Variants in CLNK observed in about 807,000 individuals in gnomAD.
The protein encoded by CLNK is cytokine dependent hematopoietic cell linker, also known as cytokine-dependent hematopoietic cell linker.
In CLNK, 74 loss-of-function variants were observed where a neutral mutation model predicts 68.6. The observed-to-expected ratio is 1.08, with a 90% CI of 0.89 to 1.31. CLNK has a LOEUF of 1.31. Among genes scored for constraint, CLNK ranks in the 50% most tolerant of loss-of-function variants. The pLI is 0.00. For synonymous variants in CLNK, 198 were observed against 172.2 expected (o/e 1.15, Z -1.17); for missense variants, 553 against 515.3 (o/e 1.07, Z -0.71).
chr4:10,598,145 C>A, intron 2 of CLNK, 96 bp from the exon 3 acceptor site: 1 of 777,660 alleles, frequency 1.3e-6, no homozygotes, highest in South Asian at 1.7e-5. Flanking sequence ...GCCACCCAGT[C>A]AGATTTAAGT....
intron 4 of CLNK, among the ~76,000 whole-genome samples, chr4:10,579,843 AGGCT>A: frequency 6.6e-6 from 1 of 152,198 alleles, no homozygotes; most frequent in African/African-American, 2.4e-5. Flanking sequence ...GCATATTAAA[AGGCT>A]AGGGTAGGAG....
chr4:10,663,349 C>T (rs1724267287), intron 2 of CLNK, among the ~76,000 whole-genome samples: 1 of 152,180 alleles, frequency 6.6e-6, no homozygotes, highest in African/African-American at 2.4e-5. Flanking sequence ...ACATCCGGAT[C>T]CCTTCTTAGT....
Position 10,486,534 on chromosome 4 carries a change from A to G in CLNK, c.*3933T>C, listed in dbSNP as rs1213809501. On this transcript the variant is annotated 3_prime_UTR_variant, in exon 19 of 19. Coordinates refer to ENST00000226951, the MANE Select transcript of CLNK (RefSeq NM_052964.4). ...ATGCTAATATACAATATAGGCTATCATAAAAATTTGTATTTGTGTACACAC... is the reference window on the plus strand; with the variant it reads ...ATGCTAATATACAATATAGGCTATCGTAAAAATTTGTATTTGTGTACACAC... 4 of 148,404 alleles carry G rather than the reference A, an allele frequency of 2.7e-5. No homozygotes were observed. The highest frequency in any genetic ancestry group is 2.9e-5 in the Non-Finnish European group (2 of 67,950). The allele number at this position is 148,404 out of a possible 1,614,324, so 9.2% of individuals were successfully genotyped here. A position where few individuals can be genotyped will look rare whatever the true frequency, so the allele number is the denominator to read the frequency against.
chr4:10,715,970 A>T, the CLNK span, among the ~76,000 whole-genome samples: 4,074 of 152,304 alleles, frequency 0.027, 63 homozygotes, highest in Non-Finnish European at 0.041. Flanking sequence ...CATCAAGAAG[A>T]GGTGAATTCT....
At chr4:10,551,835 T>C (rs1719472884) in intron 8 of CLNK, among the ~76,000 whole-genome samples, 1 of 150,460 alleles carries the variant, frequency 6.6e-6, no homozygotes, top group Non-Finnish European at 1.5e-5. Context: ...ATTATATCAG[T>C]GAGAGAATTG....
the CLNK span, among the ~76,000 whole-genome samples, chr4:10,693,546 G>T: frequency 6.6e-6 from 1 of 152,208 alleles, no homozygotes; most frequent in South Asian, 2.1e-4. Flanking sequence ...TCCTCCCCTA[G>T]ATGCTTGGGA....
chr4:10,579,317 G>C (rs1305758483), intron 4 of CLNK, among the ~76,000 whole-genome samples: 1 of 152,120 alleles, frequency 6.6e-6, no homozygotes, highest in African/African-American at 2.4e-5. Context: ...TCTGAGTAAA[G>C]TATTATGAGA....
chr4:10,700,635 C>A, the CLNK span, among the ~76,000 whole-genome samples: 2 of 152,150 alleles, frequency 1.3e-5, no homozygotes, highest in African/African-American at 4.8e-5. Context: ...AGTGGTCGTG[C>A]TGGAGCTCAG....
chr4:10,592,045 T>A (rs1300393746), intron 3 of CLNK, among the ~76,000 whole-genome samples: 3 of 152,230 alleles, frequency 2.0e-5, no homozygotes, highest in African/African-American at 7.2e-5. Context: ...CCTCAGACCC[T>A]GCCCTGCCGG....
intron 2 of CLNK, among the ~76,000 whole-genome samples, chr4:10,634,801 G>A (rs925332764): frequency 1.3e-5 from 2 of 149,804 alleles, no homozygotes; most frequent in Non-Finnish European, 3.0e-5. Context: ...GTCATTAGAG[G>A]TGAGGAAGGA....
chr4:10,553,255 C>T (rs1331519183), intron 8 of CLNK, among the ~76,000 whole-genome samples: 1 of 152,118 alleles, frequency 6.6e-6, no homozygotes, highest in Non-Finnish European at 1.5e-5. Flanking sequence ...TTCTAAGGAG[C>T]ATGGGCCAAA....
intron 2 of CLNK, among the ~76,000 whole-genome samples, chr4:10,621,053 T>A (rs1184488380): frequency 6.6e-6 from 1 of 151,768 alleles, no homozygotes; most frequent in Non-Finnish European, 1.5e-5. Flanking sequence ...GAGCTTGCAG[T>A]GAGCCGAGAT....
the CLNK span, among the ~76,000 whole-genome samples, chr4:10,705,598 C>T: frequency 3.9e-5 from 6 of 152,134 alleles, no homozygotes; most frequent in African/African-American, 9.7e-5. Context: ...GAACCTTTCT[C>T]ATGTTGTATC....
At chr4:10,688,189 G>A (rs1314018409), upstream of CLNK, among the ~76,000 whole-genome samples, 3 of 152,262 alleles carry the variant, frequency 2.0e-5, no homozygotes, top group Admixed American at 2.0e-4. Flanking sequence ...GTGTAGTATG[G>A]GACCACCAGA....
the CLNK span, among the ~76,000 whole-genome samples, chr4:10,729,279 G>C: frequency 6.6e-6 from 1 of 152,094 alleles, no homozygotes; most frequent in Admixed American, 6.6e-5. Context: ...TGTTGGAGAG[G>C]GTGTGGAGAA....
upstream of CLNK, among the ~76,000 whole-genome samples, chr4:10,686,257 C>T (rs748797351): frequency 3.3e-5 from 5 of 152,126 alleles, no homozygotes; most frequent in East Asian, 1.9e-4. Flanking sequence ...AATGATGGCT[C>T]ACCCTAATTA....
chr4:10,530,942 T>G (rs566798645), intron 12 of CLNK, among the ~76,000 whole-genome samples: 1 of 152,304 alleles, frequency 6.6e-6, no homozygotes, highest in Non-Finnish European at 1.5e-5. Flanking sequence ...CGTCAAGCAG[T>G]TATCTATGTT....
chr4:10,591,864 T>C (rs1721190096), intron 3 of CLNK, among the ~76,000 whole-genome samples: 2 of 152,372 alleles, frequency 1.3e-5, no homozygotes, highest in Middle Eastern at 3.4e-3. Context: ...AGGCATTCCC[T>C]ATTGGTTTCA....
At chr4:10,707,058 G>A in the CLNK span, among the ~76,000 whole-genome samples, 3 of 152,090 alleles carry the variant, frequency 2.0e-5, no homozygotes, top group Non-Finnish European at 2.9e-5. Context: ...TGGGATTACA[G>A]GGGTGAGCCA....
Sources: gnomAD v4.1 joint callset for allele counts (sites outside exome capture counted in the v4.1 genomes callset) on GRCh38, gnomAD v4.1.1 for gene constraint, MANE v1.5 for transcripts, NCBI Gene and HGNC (gene_info 2026-07-23, HGNC 2026-07-21) for gene names.